TXNDC11: variants seen among roughly 807,000 people sequenced by gnomAD.
The protein encoded by TXNDC11 is thioredoxin domain containing 11.
Under a neutral mutation model 78.0 loss-of-function variants are expected in TXNDC11, and 68 were observed. The ratio of observed to expected loss-of-function variants is 0.87; its 90% CI spans 0.72 to 1.07. The LOEUF (loss-of-function observed/expected upper bound fraction) is 1.07. Ranked by LOEUF, TXNDC11 falls within the 50% of genes least tolerant of loss-of-function variation. The pLI, the probability that TXNDC11 is intolerant of heterozygous loss-of-function variation, is 0.00. For missense variants in TXNDC11, 1,389 were observed against 1,221.8 expected (o/e 1.14, Z -2.04); for synonymous variants, 571 against 495.2 (o/e 1.15, Z -2.03).
chr16:11,709,420 TGTA>T (rs373235908), intron 5 of TXNDC11, among the ~76,000 whole-genome samples: 14 of 138,830 alleles, frequency 1.0e-4, no homozygotes, highest in African/African-American at 3.0e-4. Flanking sequence ...GCTAATTTTT[TGTA>T]TTTTTTTTTT....
In TXNDC11 at chr16:11,742,671, CTCGTCCTCG is replaced by C; in HGVS notation, c.51_59del (p.Glu18_Glu20del). The C allele has an allele frequency of 6.8e-7, 1 of 1,471,280 alleles. No individual in the cohort carries two copies. Among genetic ancestry groups the C allele is most frequent in the Non-Finnish European group, 8.9e-7 (1 of 1,118,350 alleles). The allele number at this position is 1,471,280 out of a possible 1,614,324, so 91.1% of individuals were successfully genotyped here. On this transcript the variant is annotated inframe_deletion, in exon 1 of 12. Coordinates refer to ENST00000283033, the MANE Select transcript of TXNDC11 (RefSeq NM_015914.7). ...CCGCGGGGCCGCCGCCGCCCCCTCCCTCGTCCTCGGCGTCCTCGCTGCTGCTGCTGCCGC... is the reference window on the plus strand; with the variant it reads ...CCGCGGGGCCGCCGCCGCCCCCTCCCGCGTCCTCGCTGCTGCTGCTGCCGC...
chr16:11,730,597 C>T, intron 4 of TXNDC11, 48 bp downstream of exon 4: 2 of 1,589,684 alleles, frequency 1.3e-6, no homozygotes, highest in South Asian at 2.3e-5. Context: ...CCAATACAAC[C>T]CCGTGAAAGG....
At chr16:11,728,080 G>C (rs1031619876) in intron 4 of TXNDC11, among the ~76,000 whole-genome samples, 15 of 152,150 alleles carry the variant, frequency 9.9e-5, no homozygotes, top group African/African-American at 3.6e-4. Flanking sequence ...CCCTAACTTA[G>C]CAGAATATTC....
At chr16:11,730,228 A>C (rs1467714565) in intron 4 of TXNDC11, among the ~76,000 whole-genome samples, 5 of 152,220 alleles carry the variant, frequency 3.3e-5, no homozygotes, top group Non-Finnish European at 7.3e-5. Flanking sequence ...TATGGAAGGG[A>C]ACATATTTCC....
At chr16:11,702,060 GTGTGTA>G (rs1440867029) in intron 5 of TXNDC11, among the ~76,000 whole-genome samples, 2 of 146,562 alleles carry the variant, frequency 1.4e-5, no homozygotes, top group African/African-American at 5.3e-5. Flanking sequence ...AAAGTTATGT[GTGTGTA>G]TGTGTGTGTG....
chr16:11,702,560 C>G (rs1264323554), intron 5 of TXNDC11, among the ~76,000 whole-genome samples: 1 of 152,098 alleles, frequency 6.6e-6, no homozygotes, highest in African/African-American at 2.4e-5. Context: ...ATCCCAGCTA[C>G]TTGGGAGGCT....
At chr16:11,699,541 G>T (rs1331156651) in intron 6 of TXNDC11, among the ~76,000 whole-genome samples, 1 of 152,226 alleles carries the variant, frequency 6.6e-6, no homozygotes, top group Non-Finnish European at 1.5e-5. Flanking sequence ...TTTCCATTCG[G>T]AAAACACAAA....
Position 11,709,282 on chromosome 16 carries a change from C to T in TXNDC11, c.794-8718G>A, listed in dbSNP as rs551284417. 2.4e-3 allele frequency among the ~76,000 whole-genome samples: 301 copies of T among 125,480 alleles called. 2 individuals are homozygous for T. The highest frequency in any genetic ancestry group is 8.0e-3 in the African/African-American group (279 of 34,686). 82.3% of individuals were successfully genotyped at this position (125,480 alleles called of 152,430 possible). A position where few individuals can be genotyped will look rare whatever the true frequency, so the allele number is the denominator to read the frequency against. On this transcript the variant is annotated intron_variant, in intron 5 of 11. Transcript: ENST00000283033. The stretch of plus-strand genomic sequence containing the variant: ...TTCTTTTTTTTTTGAGACAGAGTCT[C>T]GCACTGTCGCCCAGGCCTGGAGCGC...
chr16:11,684,089 A>G (rs780708334), intron 11 of TXNDC11, 76 bp downstream of exon 11: 3 of 1,037,766 alleles, frequency 2.9e-6, no homozygotes, highest in Non-Finnish European at 4.5e-6. Context: ...AATGATTTAC[A>G]TCTTAAACCC....
At chr16:11,688,547 G>T in intron 8 of TXNDC11, 102 bp from the exon 9 acceptor site, 1 of 1,004,682 alleles carries the variant, frequency 1.0e-6, no homozygotes, top group Non-Finnish European at 1.4e-6. Context: ...TGACTTCATA[G>T]GCTCACATTT....
intron 3 of TXNDC11, 71 bp from the exon 4 acceptor site, chr16:11,730,845 A>C (rs920697452): frequency 1.8e-5 from 21 of 1,181,374 alleles, no homozygotes; most frequent in Non-Finnish European, 2.4e-5. Context: ...CCTGTAATGT[A>C]TAACTAAAAT....
At chr16:11,695,522 C>T (rs372333486) in intron 7 of TXNDC11, among the ~76,000 whole-genome samples, 1 of 152,204 alleles carries the variant, frequency 6.6e-6, no homozygotes, top group Admixed American at 6.5e-5. Flanking sequence ...GCTCATCTTG[C>T]GTAAGTACAG....
intron 5 of TXNDC11, among the ~76,000 whole-genome samples, chr16:11,704,903 T>C (rs1438081024): frequency 2.3e-5 from 3 of 131,128 alleles, no homozygotes; most frequent in African/African-American, 5.5e-5. Context: ...CAATGTTAAC[T>C]TCTTTTTCTT....
At chr16:11,705,789 A>T (rs1244363047) in intron 5 of TXNDC11, among the ~76,000 whole-genome samples, 1 of 152,240 alleles carries the variant, frequency 6.6e-6, no homozygotes, top group African/African-American at 2.4e-5. Flanking sequence ...ATCTTGCTAG[A>T]AGCAGCAGCT....
intron 4 of TXNDC11, among the ~76,000 whole-genome samples, chr16:11,724,996 C>T (rs1358525401): frequency 6.6e-6 from 1 of 152,134 alleles, no homozygotes; most frequent in Non-Finnish European, 1.5e-5. Flanking sequence ...CTGCCCGCCT[C>T]GGCCTCCCAA....
At chr16:11,741,556 C>T (rs1297253504) in intron 1 of TXNDC11, among the ~76,000 whole-genome samples, 3 of 152,186 alleles carry the variant, frequency 2.0e-5, no homozygotes, top group Admixed American at 6.5e-5. Context: ...GGTCCCTTCT[C>T]CTTTTTGTAT....
At chr16:11,732,638 A>G (rs563802366) in intron 3 of TXNDC11, among the ~76,000 whole-genome samples, 6 of 152,316 alleles carry the variant, frequency 3.9e-5, no homozygotes, top group Non-Finnish European at 7.3e-5. Flanking sequence ...ACAAATATTA[A>G]AATACAAACA....
chr16:11,730,635 A>C lies in TXNDC11; in HGVS notation c.699+10T>G. 6.2e-7 allele frequency: 1 copy of C among 1,613,354 alleles called. No homozygotes were observed. The highest frequency in any genetic ancestry group is 8.5e-7 in the Non-Finnish European group (1 of 1,179,422). On this transcript the variant is annotated intron_variant, in intron 4 of 11. Coordinates refer to ENST00000283033, the MANE Select transcript of TXNDC11 (RefSeq NM_015914.7). ...TTGAGTATGGAGGAGGAGATATGAA[A>C]GACAAGTACCTCGTAGTTTGAGAGA...
chr16:11,679,257 G>T lies in TXNDC11; in HGVS notation c.2815C>A (p.Pro939Thr), dbSNP rs1164119819. The change falls in exon 12 of 12, where the codon CCA becomes ACA. Residue 939 changes from proline (P) to threonine (T), a missense_variant. Coordinates refer to ENST00000283033, the MANE Select transcript of TXNDC11 (RefSeq NM_015914.7). This position sits in a 1 kb window ranked among gnomAD's most constrained non-coding sequence, Gnocchi z 4.6. The part of the protein sequence containing the change: ...ATPQLPGSSP[P>T]PANVSATLVS... Reference sequence around the variant, plus strand: ...AGTGTGGCGCTGACATTGGCAGGTGGAGGGGAGCTGCCAGGGAGCTGGGGG... The same window carrying T: ...AGTGTGGCGCTGACATTGGCAGGTGTAGGGGAGCTGCCAGGGAGCTGGGGG... The T allele has an allele frequency of 6.2e-7, 1 of 1,613,216 alleles. No homozygotes were observed.
Sources: gnomAD v4.1 joint callset for allele counts (sites outside exome capture counted in the v4.1 genomes callset) on GRCh38, gnomAD v4.1.1 for gene constraint, Gnocchi (gnomAD v3.1) non-coding constraint, MANE v1.5 for transcripts, NCBI Gene and HGNC (gene_info 2026-07-23, HGNC 2026-07-21) for gene names.